The following CRB1 variants were observed in gnomAD, a reference collection of about 807,000 sequenced individuals.
CRB1 encodes crumbs cell polarity complex component 1.
A neutral mutation model predicts 120.0 loss-of-function variants in CRB1; 83 were observed. That is an observed-to-expected ratio of 0.69 (90% CI 0.58 to 0.83). The LOEUF (loss-of-function observed/expected upper bound fraction) is 0.83. CRB1 is among the 40% of genes least tolerant of loss of function. The probability of loss-of-function intolerance (pLI) is 0.00; values close to 1 mark genes in which losing one functional copy is unlikely to be tolerated. For synonymous variants in CRB1, 625 were observed against 612.5 expected (o/e 1.02, Z -0.30); for missense variants, 1,699 against 1,687.6 (o/e 1.01, Z -0.12).
rs1211605248 is a variant in CRB1 at position 197,421,733 on chromosome 1, C to T, written c.1905C>T (p.Ser635=). 1 of 1,614,106 alleles carries T rather than the reference C, an allele frequency of 6.2e-7. No homozygotes were observed. Among genetic ancestry groups the T allele is most frequent in the South Asian group, 1.1e-5 (1 of 91,086 alleles). ...VALLNFYNMP[S]TPSFVGCLQD... is the part of the protein sequence containing the mutation. ...TGCTTAACTTCTATAATATGCCATC[C>T]ACACCTTCGTTTGTAGGCTGTCTCC... The change falls in exon 6 of 12, where the codon TCC becomes TCT. Residue 635 remains serine (S), a synonymous_variant. Coordinates refer to ENST00000367400, the MANE Select transcript of CRB1 (RefSeq NM_201253.3).
intron 11 of CRB1, among the ~76,000 whole-genome samples, chr1:197,467,979 T>C (rs1455273271): frequency 6.6e-6 from 1 of 152,208 alleles, no homozygotes; most frequent in Non-Finnish European, 1.5e-5. Flanking sequence ...AACACTTTCC[T>C]GGCACATGAG....
At chr1:197,293,290 C>A (rs956247539) in intron 1 of CRB1, among the ~76,000 whole-genome samples, 2 of 152,064 alleles carry the variant, frequency 1.3e-5, no homozygotes, top group African/African-American at 4.8e-5. Flanking sequence ...AGAGCCAAAT[C>A]ATGAGTGAAC....
chr1:197,363,345 T>G (rs1660883164), intron 5 of CRB1, among the ~76,000 whole-genome samples: 1 of 152,126 alleles, frequency 6.6e-6, no homozygotes, highest in Non-Finnish European at 1.5e-5. Context: ...ATCATTTTAT[T>G]TAGGTTTACA....
chr1:197,215,208 A>G, the CRB1 span, among the ~76,000 whole-genome samples: 2 of 151,782 alleles, frequency 1.3e-5, no homozygotes, highest in Admixed American at 1.3e-4. Context: ...CTGTGTCCCC[A>G]CCAAAATCTC....
At chr1:197,425,266 T>C (rs1470910794) in intron 6 of CRB1, among the ~76,000 whole-genome samples, 1 of 152,224 alleles carries the variant, frequency 6.6e-6, no homozygotes, top group Non-Finnish European at 1.5e-5. Context: ...TTTTGAAAGC[T>C]ACCGGTAGTT....
intron 1 of CRB1, among the ~76,000 whole-genome samples, chr1:197,272,792 G>A (rs1402489400): frequency 6.6e-6 from 1 of 152,144 alleles, no homozygotes; most frequent in Non-Finnish European, 1.5e-5. Context: ...AAGAGGCACA[G>A]GGGACTTTTA....
chr1:197,291,046 T>A (rs1409249256), intron 1 of CRB1, among the ~76,000 whole-genome samples: 4 of 151,802 alleles, frequency 2.6e-5, no homozygotes, highest in African/African-American at 9.7e-5. Flanking sequence ...TATATGACAA[T>A]CTCACAGACT....
At chr1:197,253,918 G>T in the CRB1 span, among the ~76,000 whole-genome samples, 1 of 151,958 alleles carries the variant, frequency 6.6e-6, no homozygotes, top group African/African-American at 2.4e-5. Flanking sequence ...ATTTTGAGAG[G>T]TTTGTGTTTG....
chr1:197,282,342 C>T (rs891956015), intron 1 of CRB1, among the ~76,000 whole-genome samples: 6 of 151,756 alleles, frequency 4.0e-5, no homozygotes, highest in South Asian at 4.2e-4. Flanking sequence ...AAATCTAGAG[C>T]GAAGTTCTAT....
At chr1:197,305,868 TACTC>T (rs774897828) in intron 1 of CRB1, among the ~76,000 whole-genome samples, 3 of 150,630 alleles carry the variant, frequency 2.0e-5, no homozygotes, top group Admixed American at 6.7e-5. Context: ...GGTGATAAAT[TACTC>T]ACTTTGGAAA....
chr1:197,205,882 C>CTTT, the CRB1 span, among the ~76,000 whole-genome samples: 1 of 134,406 alleles, frequency 7.4e-6, no homozygotes, highest in Non-Finnish European at 1.6e-5. Context: ...TGGTCCTGGA[C>CTTT]TTTTTTTTTT....
At chr1:197,396,663 A>G (rs1662787357) in intron 5 of CRB1, among the ~76,000 whole-genome samples, 1 of 152,164 alleles carries the variant, frequency 6.6e-6, no homozygotes, top group African/African-American at 2.4e-5. Flanking sequence ...AGGCTCACAC[A>G]CTTATGATTA....
chr1:197,288,688 G>A lies in CRB1; in HGVS notation c.70+20206G>A, dbSNP rs1213341340. Among the ~76,000 whole-genome samples, 6 of 151,794 alleles carry A rather than the reference G, an allele frequency of 4.0e-5. No individual in the cohort carries two copies. The East Asian group carries it at 7.8e-4, about 20-fold the overall frequency. On this transcript the variant is annotated intron_variant, in intron 1 of 11. Coordinates refer to ENST00000367400, the MANE Select transcript of CRB1 (RefSeq NM_201253.3). ...AGAAAGAATCTACAAGGTATAAGAC[G>A]AAAAGTACGTTGGAAGAGATGAATG...
chr1:197,323,228 A>C (rs561418106), intron 1 of CRB1, among the ~76,000 whole-genome samples: 1 of 152,208 alleles, frequency 6.6e-6, no homozygotes. Flanking sequence ...TTAATTGTGT[A>C]TAATAAAACT....
At position 197,368,887 on chromosome 1, in the gene CRB1, G is replaced by A. The variant is rs149696719; in HGVS notation, c.1171+11874G>A. On this transcript the variant is annotated intron_variant, in intron 5 of 11. Transcript: ENST00000367400. ...CTTGAGGTGCTGTCCTGGCAACTTA[G>A]AAGACCTGAAAGGTAGATTTTCATA... Among the ~76,000 whole-genome samples, 487 of 152,314 alleles carry A rather than the reference G, an allele frequency of 3.2e-3. 2 individuals are homozygous for A. Among genetic ancestry groups the A allele is most frequent in the South Asian group, 7.5e-3 (36 of 4,826 alleles).
At chr1:197,342,769 T>C (rs1216967569) in intron 2 of CRB1, among the ~76,000 whole-genome samples, 2 of 152,218 alleles carry the variant, frequency 1.3e-5, no homozygotes, top group African/African-American at 2.4e-5. Context: ...ATGCAGGAAA[T>C]GACAAACACA....
chr1:197,412,301 C>A (rs1663752700), intron 5 of CRB1, among the ~76,000 whole-genome samples: 1 of 152,172 alleles, frequency 6.6e-6, no homozygotes, highest in African/African-American at 2.4e-5. Context: ...GGTGAAACTC[C>A]TTTGAATGAC....
Position 197,413,704 on chromosome 1 carries a change from A to G in CRB1, c.1172-7296A>G, listed in dbSNP as rs1486522484. On this transcript the variant is annotated intron_variant, in intron 5 of 11. Transcript: ENST00000367400. The stretch of plus-strand genomic sequence containing the variant: ...TAAAAAGGGGAGGCACCATGTGTTA[A>G]GCAGGGATAGGATCTAAGAATAACA... 5 of 222,760 alleles carry G rather than the reference A, an allele frequency of 2.2e-5. No homozygotes were observed. In the East Asian group the frequency reaches 5.2e-4, roughly 23 times the overall value. The allele number at this position is 222,760 out of a possible 1,614,324, so 13.8% of individuals were successfully genotyped here.
chr1:197,451,336 C>T (rs558409263), intron 11 of CRB1, among the ~76,000 whole-genome samples: 22 of 152,026 alleles, frequency 1.4e-4, no homozygotes, highest in Non-Finnish European at 3.1e-4. Flanking sequence ...ATGACATTTG[C>T]GAATTTTAGT....
Sources: allele counts gnomAD v4.1 joint callset (sites outside exome capture counted in the v4.1 genomes callset), GRCh38; gene constraint gnomAD v4.1.1; transcripts MANE v1.5; gene names NCBI Gene and HGNC (gene_info 2026-07-23, HGNC 2026-07-21).